Variants in DMRT1 observed in about 807,000 individuals in gnomAD.
The protein encoded by DMRT1 is doublesex- and mab-3-related transcription factor 1.
Under a neutral mutation model 32.3 loss-of-function variants are expected in DMRT1, and 7 were observed. The observed-to-expected ratio is 0.22, with a 90% confidence interval of 0.12 to 0.41. The LOEUF (loss-of-function observed/expected upper bound fraction) is 0.41, where lower values mean the gene tolerates loss of function less well. DMRT1 is among the 10% of genes least tolerant of loss of function. The pLI, the probability that DMRT1 is intolerant of heterozygous loss-of-function variation, is 1.00. For synonymous variants in DMRT1, 278 were observed against 206.1 expected (o/e 1.35, Z -2.99); for missense variants, 625 against 500.5 (o/e 1.25, Z -2.37).
intron 2 of DMRT1, among the ~76,000 whole-genome samples, chr9:848,482 C>G (rs1414347136): frequency 1.3e-5 from 2 of 150,466 alleles, no homozygotes; most frequent in Non-Finnish European, 3.0e-5. Flanking sequence ...TCAAGATACT[C>G]TTTTTTCTTT....
Position 965,028 on chromosome 9 carries a change from T to C in DMRT1, c.968-2957T>C, listed in dbSNP as rs1819889421. On this transcript the variant is annotated intron_variant, in intron 4 of 4. Coordinates refer to ENST00000382276, the MANE Select transcript of DMRT1 (RefSeq NM_021951.3). This position sits in a 1 kb window ranked among gnomAD's most constrained non-coding sequence, Gnocchi z 4.5. ...TTTAGATTTTTGAATTTTTAATTGG[T>C]ATGAAATAATTTACAACGGTCAACT... 6.6e-6 allele frequency among the ~76,000 whole-genome samples: 1 copy of C among 152,218 alleles called. No homozygotes were observed. Among genetic ancestry groups the C allele is most frequent in the Non-Finnish European group, 1.5e-5 (1 of 68,044 alleles).
intron 3 of DMRT1, among the ~76,000 whole-genome samples, chr9:895,608 T>C (rs2129639728): frequency 6.6e-6 from 1 of 152,306 alleles, no homozygotes; most frequent in South Asian, 2.1e-4. Context: ...ATGTGTACCT[T>C]GCACAATGAT....
Position 870,709 on chromosome 9 carries a change from C to CTTTTTTTTTTTTTTTTTTTTTTTTTTTTT in DMRT1, c.539-23183_539-23182insTTTTTTTTTTTTTTTTTTTTTTTTTTTTT. ...GTTCCCATATTTCTCATTTTCTTGA[C>CTTTTTTTTTTTTTTTTTTTTTTTTTTTTT]TTTTTTTTTTTTTTTTTTTTGAGAC... On this transcript the variant is annotated intron_variant, in intron 2 of 4. Coordinates refer to ENST00000382276, the MANE Select transcript of DMRT1 (RefSeq NM_021951.3). 6.0e-4 allele frequency among the ~76,000 whole-genome samples: 42 copies of CTTTTTTTTTTTTTTTTTTTTTTTTTTTTT among 69,558 alleles called. 7 individuals carry two copies. The highest frequency in any genetic ancestry group is 8.3e-4 in the Admixed American group (4 of 4,806). The allele number at this position is 69,558 out of a possible 152,430, so 45.6% of individuals were successfully genotyped here. A position where few individuals can be genotyped will look rare whatever the true frequency, so the allele number is the denominator to read the frequency against.
chr9:848,537 A>ACTTTT (rs1388569719), intron 2 of DMRT1, among the ~76,000 whole-genome samples: 3 of 140,380 alleles, frequency 2.1e-5, no homozygotes, highest in Non-Finnish European at 3.0e-5. Context: ...TAGTTTCCAA[A>ACTTTT]CTTTTGTTTC....
intron 4 of DMRT1, among the ~76,000 whole-genome samples, chr9:942,164 G>T (rs1278624439): frequency 6.6e-6 from 1 of 152,018 alleles, no homozygotes; most frequent in African/African-American, 2.4e-5. Flanking sequence ...TGGAGATGGG[G>T]GGTAAATCTT....
intron 2 of DMRT1, among the ~76,000 whole-genome samples, chr9:864,499 CTTT>C (rs57418212): frequency 3.7e-5 from 4 of 108,888 alleles, no homozygotes; most frequent in South Asian, 3.3e-4. Context: ...AGCCAGTACT[CTTT>C]TTTTTTTTTT....
intron 2 of DMRT1, among the ~76,000 whole-genome samples, chr9:883,640 A>T (rs1186893072): frequency 6.6e-6 from 1 of 151,744 alleles, no homozygotes; most frequent in East Asian, 1.9e-4. Context: ...AAAAAAAAAA[A>T]AAATTGCCGT....
In DMRT1 at chr9:913,063, C is replaced by T. The variant is rs111745902; in HGVS notation, c.823-3700C>T. ...TTTGACATTTACAATAAAAAGTTTG[C>T]TGACACCTGCTATAGACTCATGATC... On this transcript the variant is annotated intron_variant, in intron 3 of 4. Coordinates refer to ENST00000382276, the MANE Select transcript of DMRT1 (RefSeq NM_021951.3). 3.6e-3 allele frequency among the ~76,000 whole-genome samples: 547 copies of T among 152,264 alleles called. 5 individuals are homozygous for T. Among genetic ancestry groups the T allele is most frequent in the African/African-American group, 0.012 (518 of 41,550 alleles).
intron 3 of DMRT1, among the ~76,000 whole-genome samples, chr9:897,406 C>T (rs1817414263): frequency 6.6e-6 from 1 of 151,724 alleles, no homozygotes; most frequent in African/African-American, 2.4e-5. Context: ...GTGAGGGAAT[C>T]ATACTATTTT....
intron 3 of DMRT1, among the ~76,000 whole-genome samples, chr9:915,497 G>GCTGCCA (rs58677510): frequency 0.73 from 110,814 of 151,252 alleles, 41,535 homozygotes; most frequent in East Asian, 0.9. Context: ...CTCACATGCA[G>GCTGCCA]CTGCCACTGG....
At chr9:927,358 A>G (rs1423407903) in intron 4 of DMRT1, among the ~76,000 whole-genome samples, 1 of 152,220 alleles carries the variant, frequency 6.6e-6, no homozygotes, top group Non-Finnish European at 1.5e-5. Flanking sequence ...TGTTCTTCAT[A>G]AAAACCAGCT....
At chr9:915,330 A>G (rs1189922750) in intron 3 of DMRT1, among the ~76,000 whole-genome samples, 2 of 152,178 alleles carry the variant, frequency 1.3e-5, no homozygotes, top group African/African-American at 4.8e-5. Flanking sequence ...GAAAGTGGAA[A>G]TGGAGGGGGG....
At chr9:876,528 C>CTTT (rs112659992) in intron 2 of DMRT1, among the ~76,000 whole-genome samples, 2 of 145,716 alleles carry the variant, frequency 1.4e-5, no homozygotes, top group African/African-American at 5.0e-5. Flanking sequence ...CGTCAATAGG[C>CTTT]TTTTTTTTTT....
chr9:872,619 T>C (rs1816322192), intron 2 of DMRT1, among the ~76,000 whole-genome samples: 1 of 152,252 alleles, frequency 6.6e-6, no homozygotes, highest in African/African-American at 2.4e-5. Context: ...TAGCATGTTT[T>C]TGAGGTTCAT....
intron 3 of DMRT1, among the ~76,000 whole-genome samples, chr9:910,683 T>G (rs961478843): frequency 6.6e-6 from 1 of 152,040 alleles, no homozygotes; most frequent in African/African-American, 2.4e-5. Context: ...AACTCCAAGG[T>G]CTTGGGTTGC....
At chr9:921,526 G>T (rs1818354183) in intron 4 of DMRT1, among the ~76,000 whole-genome samples, 1 of 152,034 alleles carries the variant, frequency 6.6e-6, no homozygotes, top group African/African-American at 2.4e-5. Flanking sequence ...GAATTGCTGG[G>T]TCCTATGGTA....
chr9:847,295 C>A, intron 2 of DMRT1, 152 bp downstream of exon 2: 2 of 783,866 alleles, frequency 2.6e-6, no homozygotes, highest in South Asian at 1.9e-5. Context: ...GCTGTTTGTG[C>A]CTGCATCACA....
intron 2 of DMRT1, among the ~76,000 whole-genome samples, chr9:849,903 A>C (rs1385465103): frequency 6.6e-6 from 1 of 151,962 alleles, no homozygotes; most frequent in African/African-American, 2.4e-5. Flanking sequence ...GGCTCACCGC[A>C]ACCTCTGCCT....
chr9:940,213 A>G (rs1819017632), intron 4 of DMRT1, among the ~76,000 whole-genome samples: 1 of 152,128 alleles, frequency 6.6e-6, no homozygotes, highest in African/African-American at 2.4e-5. Flanking sequence ...ACTTCTAGAT[A>G]TATATCCAGA....
Sources: gnomAD v4.1 joint callset for allele counts (sites outside exome capture counted in the v4.1 genomes callset) on GRCh38, gnomAD v4.1.1 for gene constraint, Gnocchi (gnomAD v3.1) non-coding constraint, MANE v1.5 for transcripts, NCBI Gene and HGNC (gene_info 2026-07-23, HGNC 2026-07-21) for gene names.